The following USP36 variants were observed in gnomAD, a reference collection of about 807,000 sequenced individuals.
USP36 encodes the protein ubiquitin specific peptidase 36.
In USP36, 59 loss-of-function variants were observed where a neutral mutation model predicts 111.5. The ratio of observed to expected loss-of-function variants is 0.53; its 90% CI spans 0.43 to 0.66. The LOEUF is 0.66. Among genes scored for constraint, USP36 ranks in the 30% least tolerant of loss-of-function variants. The pLI, the probability that USP36 is intolerant of heterozygous loss-of-function variation, is 0.00. For synonymous variants in USP36, 628 were observed against 581.0 expected, an observed-to-expected ratio of 1.08 and a Z score of -1.16; for missense variants, 1,488 against 1,468.0, an observed-to-expected ratio of 1.01 and a Z score of -0.22.
At chr17:78,840,599 C>A (rs1314968028) in intron 1 of USP36, 137 bp downstream of exon 1, 1 of 152,338 alleles carries the variant, frequency 6.6e-6, no homozygotes, top group African/African-American at 2.4e-5. Context: ...CGAAGCCCTG[C>A]GCGGACCCGC....
In USP36 at chr17:78,798,043, A is replaced by T. The variant is rs150616678; in HGVS notation, c.*21-164T>A. On this transcript the variant is annotated intron_variant, in intron 20 of 20. Transcript: ENST00000449938. This position sits in a 1 kb window ranked among gnomAD's most constrained non-coding sequence, Gnocchi z 5.1. Reference sequence around the variant, plus strand: ...AGTGACTGGGACACATGCCAGATATACACACAACCCACATCCCACACACAC... The same window carrying T: ...AGTGACTGGGACACATGCCAGATATTCACACAACCCACATCCCACACACAC... 1.2e-3 allele frequency: 272 copies of T among 222,462 alleles called. No individual in the cohort carries two copies. Among genetic ancestry groups the T allele is most frequent in the Admixed American group, 2.7e-3 (53 of 19,800 alleles). 13.8% of individuals were successfully genotyped at this position (222,462 alleles called of 1,614,324 possible).
chr17:78,821,810 G>T, intron 7 of USP36, 127 bp downstream of exon 7: 1 of 1,032,082 alleles, frequency 9.7e-7, no homozygotes, highest in Non-Finnish European at 1.4e-6. Flanking sequence ...CATGGCTCAA[G>T]ACCTCAGAGA....
chr17:78,819,542 C>T (rs893531452), intron 9 of USP36, among the ~76,000 whole-genome samples: 2 of 152,246 alleles, frequency 1.3e-5, no homozygotes, highest in Non-Finnish European at 2.9e-5. Context: ...TGGGCACAGT[C>T]CCTGGGGCGG....
chr17:78,807,812 G>A (rs1338242776), intron 13 of USP36, among the ~76,000 whole-genome samples, 176 bp from the exon 14 acceptor site: 2 of 152,114 alleles, frequency 1.3e-5, no homozygotes, highest in Non-Finnish European at 2.9e-5. Flanking sequence ...GAACAATTCT[G>A]GTGTTCTGTG....
intron 14 of USP36, among the ~76,000 whole-genome samples, chr17:78,806,735 G>A (rs780354663): frequency 4.0e-4 from 61 of 152,198 alleles, no homozygotes; most frequent in Non-Finnish European, 7.9e-4. Context: ...TGAGTCACAT[G>A]AGCATCACCA....
In USP36 at chr17:78,819,992, A is replaced by G. The variant is rs1646748367; in HGVS notation, c.849T>C (p.Arg283=). 1.2e-6 allele frequency: 2 copies of G among 1,614,092 alleles called. No homozygotes were observed. Among genetic ancestry groups the G allele is most frequent in the African/African-American group, 1.3e-5 (1 of 74,938 alleles). The change falls in exon 9 of 21, where the codon CGT becomes CGC. Residue 283 remains arginine (R), a synonymous_variant. Transcript: ENST00000449938. Reference sequence around the variant, plus strand: ...CTGCTTTCACAAAAAGTTCCAGAGCACGCACAATATTCGCAGCTTGCTGAG... The same window carrying G: ...CTGCTTTCACAAAAAGTTCCAGAGCGCGCACAATATTCGCAGCTTGCTGAG... The part of the protein sequence containing the change: ...LEIRQAANIV[R]ALELFVKADV...
At chr17:78,806,696 AG>A (rs932125362) in intron 14 of USP36, among the ~76,000 whole-genome samples, 6 of 152,288 alleles carry the variant, frequency 3.9e-5, no homozygotes, top group Non-Finnish European at 8.8e-5. Flanking sequence ...CTGTGAAAAC[AG>A]GGAACTGCTA....
intron 2 of USP36, among the ~76,000 whole-genome samples, chr17:78,836,955 G>A (rs1362702226): frequency 2.0e-5 from 3 of 152,146 alleles, no homozygotes; most frequent in African/African-American, 7.2e-5. Context: ...TGTGAAATGA[G>A]GCTAGTCCAG....
chr17:78,821,575 G>C (rs1339662099), intron 7 of USP36, among the ~76,000 whole-genome samples: 1 of 151,348 alleles, frequency 6.6e-6, no homozygotes, highest in East Asian at 1.9e-4. Context: ...TTGCAGGCAT[G>C]TGCCACCGCG....
downstream of USP36, among the ~76,000 whole-genome samples, chr17:78,793,029 A>G (rs1324799628): frequency 1.1e-5 from 1 of 87,604 alleles, no homozygotes. Context: ...TCACCCCCCC[A>G]GGAAGGCTTT....
At chr17:78,800,004 G>A (rs2093701458) in intron 17 of USP36, among the ~76,000 whole-genome samples, 3 of 149,582 alleles carry the variant, frequency 2.0e-5, no homozygotes, top group Admixed American at 1.3e-4. Context: ...GAGCCATGGC[G>A]CCCAGCCTAA....
Position 78,803,744 on chromosome 17 carries a change from C to A in USP36, c.2451G>T (p.Val817=), listed in dbSNP as rs150813194. 284 of 1,612,362 alleles carry A rather than the reference C, an allele frequency of 1.8e-4. No individual in the cohort carries two copies. The highest frequency in any genetic ancestry group is 2.2e-4 in the Non-Finnish European group (261 of 1,179,930). The change falls in exon 16 of 21, where the codon GTG becomes GTT. Residue 817 remains valine, a synonymous_variant. Coordinates refer to ENST00000449938, the MANE Select transcript of USP36 (RefSeq NM_001385174.1). The surrounding 1 kb of genome is among the most constrained non-coding windows in gnomAD (Gnocchi z 4.6). The stretch of plus-strand genomic sequence containing the variant: ...CTGAGCCCAGCCTCTGCGGCTCTCC[C>A]ACAAAGGTCTTTTTCCTCTTCTCAG... ...SPSEKRKKTF[V]GEPQRLGSET...
chr17:78,805,470 C>G (rs957538513), intron 15 of USP36, among the ~76,000 whole-genome samples: 6 of 152,240 alleles, frequency 3.9e-5, no homozygotes, highest in African/African-American at 1.4e-4. Flanking sequence ...AACTAGAACC[C>G]AGCGCCGAGG....
In USP36 at chr17:78,816,074, A is replaced by G. The variant is rs529793117; in HGVS notation, c.1024-1522T>C. Among the ~76,000 whole-genome samples the G allele has an allele frequency of 2.6e-5, 4 of 152,334 alleles. No homozygotes were observed. The South Asian group carries it at 8.3e-4, about 32-fold the overall frequency. ...AGCTGTAGGCTGAGTGCACCAGGAC[A>G]GCACAGAGCCCACATGACAGGATTG... is the stretch of plus-strand genomic sequence containing the variant. On this transcript the variant is annotated intron_variant, in intron 10 of 20. Coordinates refer to ENST00000449938, the MANE Select transcript of USP36 (RefSeq NM_001385174.1).
At chr17:78,814,382 G>A in intron 11 of USP36, 30 bp downstream of exon 11, 1 of 1,612,220 alleles carries the variant, frequency 6.2e-7, no homozygotes, top group Non-Finnish European at 8.5e-7. Flanking sequence ...CCTGTCCCAG[G>A]AGGCAGCTGC....
At chr17:78,819,164 C>T (rs2094257940) in intron 9 of USP36, 1 of 184,888 alleles carries the variant, frequency 5.4e-6, no homozygotes, top group South Asian at 1.0e-4. Flanking sequence ...TGCGCAAACA[C>T]AGGGAGAGAA....
intron 12 of USP36, among the ~76,000 whole-genome samples, chr17:78,813,270 A>AGAG (rs3068285): frequency 6.6e-6 from 1 of 151,264 alleles, no homozygotes; most frequent in Non-Finnish European, 1.5e-5. Context: ...AGAAAGCAAG[A>AGAG]ACCTCAAACA....
At chr17:78,804,703 T>TA (rs1226853539) in intron 15 of USP36, among the ~76,000 whole-genome samples, 1 of 149,190 alleles carries the variant, frequency 6.7e-6, no homozygotes, top group African/African-American at 2.5e-5. Flanking sequence ...TTTTTTTTTT[T>TA]AAAAGGCAAA....
chr17:78,831,313 C>T (rs1403837036), intron 4 of USP36, among the ~76,000 whole-genome samples: 1 of 136,634 alleles, frequency 7.3e-6, no homozygotes, highest in Non-Finnish European at 1.6e-5. Context: ...AGGTAAGATA[C>T]AGTTTTACTA....
Sources: allele counts gnomAD v4.1 joint callset (sites outside exome capture counted in the v4.1 genomes callset), GRCh38; gene constraint gnomAD v4.1.1; non-coding constraint Gnocchi (gnomAD v3.1); transcripts MANE v1.5; gene names NCBI Gene and HGNC (gene_info 2026-07-23, HGNC 2026-07-21).